CYP2F1: variants seen among roughly 807,000 people sequenced by gnomAD.
CYP2F1 encodes the protein cytochrome P450 family 2 subfamily F member 1, also known as cytochrome P450 2F1.
A neutral mutation model predicts 40.4 loss-of-function variants in CYP2F1; 33 were observed. The ratio of observed to expected loss-of-function variants is 0.82; its 90% CI spans 0.62 to 1.09. The LOEUF is 1.09. Ranked by LOEUF, CYP2F1 falls within the 50% of genes least tolerant of loss-of-function variation. CYP2F1 has a pLI of 0.00. For synonymous variants in CYP2F1, 235 were observed against 277.2 expected (o/e 0.85, Z 1.51); for missense variants, 566 against 655.7 (o/e 0.86, Z 1.49).
In CYP2F1 at chr19:41,123,204, T is replaced by C. The variant is rs773536808; in HGVS notation, c.964+241T>C. On this transcript the variant is annotated intron_variant, in intron 7 of 9. Transcript: ENST00000331105. ...TTAATTGTTGGTTTTTTTGTCTTTG[T>C]TTTGTTTTTTGGAGACGGAGTCTGG... 2.0e-4 allele frequency: 122 copies of C among 618,842 alleles called. 2 individuals are homozygous for C. The Middle Eastern group carries it at 5.6e-3, about 28-fold the overall frequency. 38.3% of individuals were successfully genotyped at this position (618,842 alleles called of 1,614,324 possible).
At position 41,122,163 on chromosome 19, in the gene CYP2F1, G is replaced by A. The variant is rs550785884; in HGVS notation, c.822+30G>A. The A allele has an allele frequency of 1.0e-5, 16 of 1,533,480 alleles. No individual in the cohort carries two copies. In the South Asian group the frequency reaches 1.7e-4, roughly 16 times the overall value. The allele number at this position is 1,533,480 out of a possible 1,614,324, so 95.0% of individuals were successfully genotyped here. A position where few individuals can be genotyped will look rare whatever the true frequency, so the allele number is the denominator to read the frequency against. On this transcript the variant is annotated intron_variant, in intron 6 of 9. Transcript: ENST00000331105. ...TCCCTACCTGGAAATCCCACCTCTA[G>A]TCTGACCTGAAATTCTCCTGCTGCC... is the stretch of plus-strand genomic sequence containing the variant.
chr19:41,122,523 C>T (rs1181399707), intron 6 of CYP2F1, among the ~76,000 whole-genome samples: 1 of 151,574 alleles, frequency 6.6e-6, no homozygotes, highest in African/African-American at 2.4e-5. Flanking sequence ...CATACACACA[C>T]ACATACACAC....
chr19:41,115,950 G>T (rs1440609203), intron 1 of CYP2F1, among the ~76,000 whole-genome samples: 2 of 151,640 alleles, frequency 1.3e-5, no homozygotes, highest in Non-Finnish European at 2.9e-5. Flanking sequence ...TCTATCACTT[G>T]CCTCTCTCCA....
rs563734637 is a variant in CYP2F1, at chr19:41,114,861, C to G, written c.-12+369C>G. Among the ~76,000 whole-genome samples the G allele has an allele frequency of 4.1e-5, 6 of 147,692 alleles. No individual in the cohort carries two copies. In the East Asian group the frequency reaches 1.0e-3, roughly 25 times the overall value. On this transcript the variant is annotated intron_variant, in intron 1 of 9. Coordinates refer to ENST00000331105, the MANE Select transcript of CYP2F1 (RefSeq NM_000774.5). ...CTCAGCTCACTGCAACCTCCACCTC[C>G]TGGGTTCAAGCGATTCTCCTGCCTC...
chr19:41,119,746 T>C (rs560481258), intron 3 of CYP2F1, among the ~76,000 whole-genome samples: 10,141 of 53,726 alleles, frequency 0.19, 1,035 homozygotes, highest in South Asian at 0.28. Flanking sequence ...TATATATATA[T>C]ATACACACAC....
chr19:41,116,295 C>A lies in CYP2F1; in HGVS notation c.107C>A (p.Pro36His), dbSNP rs1331218907. ...GGAAAGCTGCCTCCGGGACCCAGAC[C>A]CCTCTCAATCCTGGGAAACCTGCTG... ...DKGKLPPGPR[P>H]LSILGNLLLL... The change falls in exon 2 of 10, where the codon CCC becomes CAC. Residue 36 changes from proline to histidine, a missense_variant. Pro to His is a moderately conservative substitution (Grantham distance 77, BLOSUM62 -2). Coordinates refer to ENST00000331105, the MANE Select transcript of CYP2F1 (RefSeq NM_000774.5). 6.2e-7 allele frequency: 1 copy of A among 1,614,072 alleles called. No homozygotes were observed. The highest frequency in any genetic ancestry group is 1.7e-5 in the Admixed American group (1 of 60,006).
At chr19:41,124,595 G>A in intron 7 of CYP2F1, 124 bp from the exon 8 acceptor site, 1 of 894,248 alleles carries the variant, frequency 1.1e-6, no homozygotes, top group African/African-American at 1.7e-5. Flanking sequence ...CGCCCCAGCA[G>A]TGGCGCCCCG....
chr19:41,120,475 G>C lies in CYP2F1; in HGVS notation c.463G>C (p.Ala155Pro), dbSNP rs760711618. ...CCTAGAGGAGGGCAGCTTCCTGCTG[G>C]CGGAGCTGCGGAAAACTGAAGGTCA... is the stretch of plus-strand genomic sequence containing the variant. The part of the protein sequence containing the change: ...RILEEGSFLL[A>P]ELRKTEGEPF... Residue 155 changes from alanine to proline, a missense_variant, in exon 4 of 10, where the codon GCG (alanine) becomes CCG (proline). Transcript: ENST00000331105. The C allele has an allele frequency of 3.7e-6, 6 of 1,613,274 alleles. No homozygotes were observed. The highest frequency in any genetic ancestry group is 4.2e-6 in the Non-Finnish European group (5 of 1,179,810).
At chr19:41,124,658 A>G (rs1325829812) in intron 7 of CYP2F1, 61 bp from the exon 8 acceptor site, 2 of 1,479,856 alleles carry the variant, frequency 1.4e-6, no homozygotes, top group Non-Finnish European at 1.8e-6. Context: ...ACCTCTTATC[A>G]GCCTGGTTGC....
rs1470132869 is a variant in CYP2F1 at position 41,116,511 on chromosome 19, G to T, written c.228G>T (p.Val76=). The T allele has an allele frequency of 6.2e-7, 1 of 1,613,982 alleles. No homozygotes were observed. The highest frequency in any genetic ancestry group is 8.5e-7 in the Non-Finnish European group (1 of 1,179,972). ...YTVHLGPRRV[V]VLSGYQAVKE... is the part of the protein sequence containing the mutation. Reference sequence around the variant, plus strand: ...TGCACCTGGGACCCAGGCGGGTGGTGGTCCTCAGCGGGTACCAAGCTGTGA... The same window carrying T: ...TGCACCTGGGACCCAGGCGGGTGGTTGTCCTCAGCGGGTACCAAGCTGTGA... The change falls in exon 3 of 10, where the codon GTG becomes GTT. Residue 76 remains valine (V), a synonymous_variant. Transcript: ENST00000331105.
chr19:41,125,949 A>T, intron 9 of CYP2F1: 1 of 472,664 alleles, frequency 2.1e-6, no homozygotes, highest in Non-Finnish European at 3.6e-6. Context: ...CCTGACCAAT[A>T]TGGTGAAACC....
Position 41,128,289 on chromosome 19 carries a change from A to G in CYP2F1, c.*207A>G, listed in dbSNP as rs1282683319. ...AGGCAGATGTGGCATGTCTTTTTGT[A>G]CCCACAGAGCTTGTTCTATGGCACG... On this transcript the variant is annotated 3_prime_UTR_variant, in exon 10 of 10. Coordinates refer to ENST00000331105, the MANE Select transcript of CYP2F1 (RefSeq NM_000774.5). The G allele has an allele frequency of 5.6e-6, 3 of 532,018 alleles. No individual in the cohort carries two copies. Among genetic ancestry groups the G allele is most frequent in the East Asian group, 3.0e-5 (1 of 33,288 alleles). The allele number at this position is 532,018 out of a possible 1,614,324, so 33.0% of individuals were successfully genotyped here. A position where few individuals can be genotyped will look rare whatever the true frequency, so the allele number is the denominator to read the frequency against.
chr19:41,118,010 C>T (rs192718803), intron 3 of CYP2F1, among the ~76,000 whole-genome samples: 4 of 152,112 alleles, frequency 2.6e-5, no homozygotes, highest in African/African-American at 7.2e-5. Context: ...CCACCATGCC[C>T]AGCTAATTTT....
intron 8 of CYP2F1, 107 bp downstream of exon 8, chr19:41,125,013 T>G: frequency 3.1e-6 from 3 of 957,966 alleles, no homozygotes; most frequent in Non-Finnish European, 4.5e-6. Flanking sequence ...CCCCAGGCCT[T>G]AGCAACTGGC....
intron 7 of CYP2F1, chr19:41,123,500 G>C (rs890446333): frequency 3.1e-6 from 1 of 325,778 alleles, no homozygotes; most frequent in South Asian, 2.6e-5. Flanking sequence ...TTACAGGCGT[G>C]AGCCACTACA....
intron 3 of CYP2F1, among the ~76,000 whole-genome samples, chr19:41,119,253 C>T (rs1278813950): frequency 6.6e-6 from 1 of 152,178 alleles, no homozygotes; most frequent in Non-Finnish European, 1.5e-5. Context: ...TGTTTTGTTC[C>T]TGGATGAATT....
In CYP2F1 at chr19:41,118,918, A is replaced by T. The variant is rs548387652; in HGVS notation, c.335-1429A>T. 1.2e-3 allele frequency among the ~76,000 whole-genome samples: 186 copies of T among 152,314 alleles called. 1 individual carries two copies. Among genetic ancestry groups the T allele is most frequent in the African/African-American group, 4.2e-3 (176 of 41,572 alleles). The stretch of plus-strand genomic sequence containing the variant: ...CTAGTTCTCTGCTAGGTCCAGAGGA[A>T]CCAGAGATAAACACATCTGAGACTT... On this transcript the variant is annotated intron_variant, in intron 3 of 9. Transcript: ENST00000331105.
intron 1 of CYP2F1, among the ~76,000 whole-genome samples, chr19:41,115,727 T>C (rs1362624315): frequency 6.6e-6 from 1 of 151,086 alleles, no homozygotes; most frequent in Non-Finnish European, 1.5e-5. Context: ...TAGATGTTGA[T>C]AGATGTTAGA....
chr19:41,124,423 C>A (rs918270366), intron 7 of CYP2F1, among the ~76,000 whole-genome samples: 5 of 151,926 alleles, frequency 3.3e-5, no homozygotes, highest in African/African-American at 1.2e-4. Flanking sequence ...GCCACCAAGC[C>A]CAGCTAATTT....
Sources: gnomAD v4.1 joint callset for allele counts (sites outside exome capture counted in the v4.1 genomes callset) on GRCh38, gnomAD v4.1.1 for gene constraint, MANE v1.5 for transcripts, NCBI Gene and HGNC (gene_info 2026-07-23, HGNC 2026-07-21) for gene names.